The following TSC1 variants were observed in gnomAD, a reference collection of about 807,000 sequenced individuals.
TSC1 encodes the protein hamartin.
TSC1 carries 20 observed loss-of-function variants against 124.3 expected under a neutral mutation model. The ratio of observed to expected loss-of-function variants is 0.16; its 90% confidence interval spans 0.11 to 0.23. The LOEUF is 0.23. TSC1 is among the 10% of genes least tolerant of loss of function. The pLI is 1.00. For synonymous variants in TSC1, 493 were observed against 539.1 expected, an observed-to-expected ratio of 0.91 and a Z score of 1.19; for missense variants, 1,124 against 1,448.5, an observed-to-expected ratio of 0.78 and a Z score of 3.64.
intron 20 of TSC1, 81 bp downstream of exon 20, chr9:132,900,634 T>G: frequency 6.2e-7 from 1 of 1,606,140 alleles, no homozygotes; most frequent in Non-Finnish European, 8.5e-7. Flanking sequence ...ATCAAGCCAT[T>G]CTCTATGCCA....
At chr9:132,932,593 T>G (rs987556413) in intron 2 of TSC1, among the ~76,000 whole-genome samples, 9 of 152,328 alleles carry the variant, frequency 5.9e-5, no homozygotes, top group Admixed American at 2.0e-4. Flanking sequence ...AATAACATTA[T>G]GGAACTTATG....
rs1393952049 is a variant in TSC1, at chr9:132,897,358, G to A, written c.2814-13C>T. The stretch of plus-strand genomic sequence containing the variant: ...CTGCAGCTGTCCTCTGAAAGATACA[G>A]ACCAGCCAGAATATAGGAAGTTCCA... On this transcript the variant is annotated splice_polypyrimidine_tract_variant and intron_variant, in intron 21 of 22. Coordinates refer to ENST00000298552, the MANE Select transcript of TSC1 (RefSeq NM_000368.5). 3 of 1,614,158 alleles carry A rather than the reference G, an allele frequency of 1.9e-6. No homozygotes were observed. Among genetic ancestry groups the A allele is most frequent in the Non-Finnish European group, 2.5e-6 (3 of 1,180,044 alleles).
At position 132,902,142 on chromosome 9, in the gene TSC1, GA is replaced by G. The variant is rs1461447220; in HGVS notation, c.2392-444del. On this transcript the variant is annotated intron_variant, in intron 18 of 22. Transcript: ENST00000298552. This position sits in a 1 kb window ranked among gnomAD's most constrained non-coding sequence, Gnocchi z 5.2. ...AAGCACCACAAGGAAAACCAGTGTG[GA>G]ACAGGAAATGAGGGTGTCACTGTCC... Among the ~76,000 whole-genome samples the G allele has an allele frequency of 6.6e-6, 1 of 152,224 alleles. No individual in the cohort carries two copies. Among genetic ancestry groups the G allele is most frequent in the Non-Finnish European group, 1.5e-5 (1 of 68,042 alleles).
At position 132,925,713 on chromosome 9, in the gene TSC1, A is replaced by G. The variant is rs761596603; in HGVS notation, c.237T>C (p.Tyr79=). ...DKHLLDRINE[Y]VGKAATRLSI... Reference sequence around the variant, plus strand: ...ATAAACGAGTGGCGGCTTTGCCCACATATTCGTTAATCCTGTCCAAGAGGT... The same window carrying G: ...ATAAACGAGTGGCGGCTTTGCCCACGTATTCGTTAATCCTGTCCAAGAGGT... The change falls in exon 5 of 23, where the codon TAT becomes TAC. Residue 79 remains tyrosine (Y), a synonymous_variant. Transcript: ENST00000298552. 2 of 1,614,232 alleles carry G rather than the reference A, an allele frequency of 1.2e-6. No homozygotes were observed. Among genetic ancestry groups the G allele is most frequent in the Non-Finnish European group, 1.7e-6 (2 of 1,180,044 alleles).
intron 1 of TSC1, among the ~76,000 whole-genome samples, chr9:132,937,983 T>C (rs1847550498): frequency 6.6e-6 from 1 of 152,224 alleles, no homozygotes; most frequent in Non-Finnish European, 1.5e-5. Context: ...CCCATAGTGC[T>C]GGGGTTACAG....
Position 132,944,544 on chromosome 9 carries a change from C to T in TSC1, c.-145G>A. 1 of 398,742 alleles carries T rather than the reference C, an allele frequency of 2.5e-6. No homozygotes were observed. The highest frequency in any genetic ancestry group is 3.6e-5 in the East Asian group (1 of 28,052). The allele number at this position is 398,742 out of a possible 1,614,324, so 24.7% of individuals were successfully genotyped here. A position where few individuals can be genotyped will look rare whatever the true frequency, so the allele number is the denominator to read the frequency against. ...AGGGGGAGACACCCCCATACTCACC[C>T]ACCGTCTCCTCCCCCTCAGCTGTTT... On this transcript the variant is annotated splice_region_variant and 5_prime_UTR_variant, in exon 1 of 23. Transcript: ENST00000298552.
Position 132,893,912 on chromosome 9 carries a change from C to G in TSC1, c.*2323G>C, listed in dbSNP as rs975667641. ...CTTGGCAGGTTTATCATGTCCAAAA[C>G]CAAACCAAACCTAACTACTGACTCT... On this transcript the variant is annotated 3_prime_UTR_variant, in exon 23 of 23. Coordinates refer to ENST00000298552, the MANE Select transcript of TSC1 (RefSeq NM_000368.5). 1 of 233,168 alleles carries G rather than the reference C, an allele frequency of 4.3e-6. No individual in the cohort carries two copies. The highest frequency in any genetic ancestry group is 5.6e-5 in the Admixed American group (1 of 17,768). 14.4% of individuals were successfully genotyped at this position (233,168 alleles called of 1,614,324 possible). A position where few individuals can be genotyped will look rare whatever the true frequency, so the allele number is the denominator to read the frequency against.
chr9:132,908,415 G>A (rs1300050835), intron 12 of TSC1, among the ~76,000 whole-genome samples: 2 of 152,052 alleles, frequency 1.3e-5, no homozygotes, highest in African/African-American at 4.8e-5. Flanking sequence ...GAAAATCTGG[G>A]GCCCCACAGA....
At chr9:132,942,218 T>C (rs1333281928) in intron 1 of TSC1, 2 of 152,186 alleles carry the variant, frequency 1.3e-5, no homozygotes, top group African/African-American at 4.8e-5. Context: ...GAAATACCTC[T>C]GTGATAAATA....
chr9:132,904,986 G>C (rs959267481), intron 15 of TSC1, among the ~76,000 whole-genome samples: 5 of 152,128 alleles, frequency 3.3e-5, no homozygotes, highest in African/African-American at 1.2e-4. Context: ...TAGTATATAA[G>C]AAGAAAAATA....
Position 132,906,721 on chromosome 9 carries a change from C to T in TSC1, c.1438+10G>A, listed in dbSNP as rs1845690652. On this transcript the variant is annotated intron_variant, in intron 14 of 22. Coordinates refer to ENST00000298552, the MANE Select transcript of TSC1 (RefSeq NM_000368.5). The surrounding 1 kb of genome is among the most constrained non-coding windows in gnomAD (Gnocchi z 4.1). ...GTTTTATCAACTCATAGCAATCCCA[C>T]ATACATTACCTTCTTCTTTATCTTT... 14 of 1,609,436 alleles carry T rather than the reference C, an allele frequency of 8.7e-6. No homozygotes were observed. The highest frequency in any genetic ancestry group is 1.2e-5 in the Non-Finnish European group (14 of 1,176,496).
At chr9:132,907,429 C>T (rs1845732383) in intron 12 of TSC1, 59 bp from the exon 13 acceptor site, 1 of 1,380,468 alleles carries the variant, frequency 7.2e-7, no homozygotes, top group African/African-American at 1.4e-5. Flanking sequence ...TGTTCTCGAG[C>T]ATATTGTAAA....
chr9:132,901,965 C>T (rs1282119172), intron 18 of TSC1: 2 of 421,118 alleles, frequency 4.7e-6, no homozygotes, highest in Non-Finnish European at 8.5e-6. Context: ...ACACAGCAAA[C>T]TCACAGGGAT....
chr9:132,944,878 G>A (rs745331153), upstream of TSC1: 6 of 330,588 alleles, frequency 1.8e-5, no homozygotes, highest in Non-Finnish European at 2.7e-5. Flanking sequence ...GTGACTCCGC[G>A]AAGGAGGCAA....
chr9:132,926,233 C>T, intron 4 of TSC1: 1 of 201,104 alleles, frequency 5.0e-6, no homozygotes, highest in Non-Finnish European at 1.0e-5. Context: ...GAGGCTGAGG[C>T]AGGAGGATAG....
rs1844843271 is a variant in TSC1, at chr9:132,892,873, C to T, written c.*3362G>A. ...CATCCCCATGACCATTTTATACATC[C>T]TCCCCTCAACAACTGCTAGAGTTTT... On this transcript the variant is annotated 3_prime_UTR_variant, in exon 23 of 23. Transcript: ENST00000298552. The T allele has an allele frequency of 1.3e-5, 3 of 233,156 alleles. No individual in the cohort carries two copies. Among genetic ancestry groups the T allele is most frequent in the South Asian group, 1.8e-4 (1 of 5,538 alleles). The allele number at this position is 233,156 out of a possible 1,614,324, so 14.4% of individuals were successfully genotyped here. A position where few individuals can be genotyped will look rare whatever the true frequency, so the allele number is the denominator to read the frequency against.
In TSC1 at chr9:132,894,862, A is replaced by C. The variant is rs575245339; in HGVS notation, c.*1373T>G. 3 of 232,164 alleles carry C rather than the reference A, an allele frequency of 1.3e-5. No individual in the cohort carries two copies. In the South Asian group the frequency reaches 5.5e-4, roughly 42 times the overall value. 14.4% of individuals were successfully genotyped at this position (232,164 alleles called of 1,614,324 possible). On this transcript the variant is annotated 3_prime_UTR_variant, in exon 23 of 23. Transcript: ENST00000298552. ...CAAGTTCACTGGCTCCTTCCTACCA[A>C]ATCCCCCTGCCTCAGCTGGAACACC...
At chr9:132,913,876 TTTTTG>T (rs1270806799) in intron 8 of TSC1, among the ~76,000 whole-genome samples, 29 of 103,852 alleles carry the variant, frequency 2.8e-4, no homozygotes, top group African/African-American at 4.7e-4. Context: ...TCCCATGGGT[TTTTTG>T]TTTTGTTTTG....
rs12350276 is a variant in TSC1 at position 132,897,727 on chromosome 9, C to T, written c.2626-117G>A. 0.15 allele frequency: 197,688 copies of T among 1,353,176 alleles called. 16,037 individuals carry two copies. The highest frequency in any genetic ancestry group is 0.33 in the African/African-American group (21,838 of 67,080). The allele number at this position is 1,353,176 out of a possible 1,614,324, so 83.8% of individuals were successfully genotyped here. A position where few individuals can be genotyped will look rare whatever the true frequency, so the allele number is the denominator to read the frequency against. On this transcript the variant is annotated intron_variant, in intron 20 of 22. Coordinates refer to ENST00000298552, the MANE Select transcript of TSC1 (RefSeq NM_000368.5). ...AGAAGGCATTTTAGTATACTGATAA[C>T]AGAAATATAAACTAGTACAACTTTA...
Sources: gnomAD v4.1 joint callset for allele counts (sites outside exome capture counted in the v4.1 genomes callset) on GRCh38, gnomAD v4.1.1 for gene constraint, Gnocchi (gnomAD v3.1) non-coding constraint, MANE v1.5 for transcripts, NCBI Gene and HGNC (gene_info 2026-07-23, HGNC 2026-07-21) for gene names.